The following TSHZ2 variants were observed in gnomAD, a reference collection of about 807,000 sequenced individuals.
The protein encoded by TSHZ2 is teashirt zinc finger homeobox 2.
In TSHZ2, 21 loss-of-function variants were observed where a neutral mutation model predicts 74.4. The observed-to-expected ratio is 0.28, with a 90% confidence interval of 0.20 to 0.41. The LOEUF is 0.41. Among genes scored for constraint, TSHZ2 ranks in the 10% least tolerant of loss-of-function variants. The pLI is 1.00. For missense variants in TSHZ2, 1,244 were observed against 1,293.5 expected (o/e 0.96, Z 0.59); for synonymous variants, 540 against 515.3 (o/e 1.05, Z -0.65).
At chr20:53,296,498 G>A (rs576659036) in intron 2 of TSHZ2, among the ~76,000 whole-genome samples, 10 of 152,230 alleles carry the variant, frequency 6.6e-5, no homozygotes, top group East Asian at 3.9e-4. Flanking sequence ...AAGTGCTGTC[G>A]AAAACAGCTG....
intron 1 of TSHZ2, among the ~76,000 whole-genome samples, chr20:53,169,569 C>T (rs934125962): frequency 5.3e-5 from 8 of 152,150 alleles, no homozygotes; most frequent in African/African-American, 1.9e-4. Context: ...TAGCATGGTT[C>T]CTGGCATATA....
At chr20:53,185,784 CTAAT>C in intron 1 of TSHZ2, 2 of 1,342,688 alleles carry the variant, frequency 1.5e-6, no homozygotes, top group Middle Eastern at 1.8e-4. Context: ...GGTTTGAACA[CTAAT>C]TAATAATCCC....
At chr20:52,998,714 A>G (rs1484994775) in intron 1 of TSHZ2, among the ~76,000 whole-genome samples, 1 of 152,192 alleles carries the variant, frequency 6.6e-6, no homozygotes, top group Non-Finnish European at 1.5e-5. Flanking sequence ...GGCAGGAACC[A>G]TGTCCAGTTT....
chr20:53,189,262 A>C (rs978632504), intron 1 of TSHZ2, among the ~76,000 whole-genome samples: 1 of 152,216 alleles, frequency 6.6e-6, no homozygotes, highest in Admixed American at 6.5e-5. Context: ...AGAATATGCA[A>C]ATAGCTGCAA....
intron 1 of TSHZ2, among the ~76,000 whole-genome samples, chr20:53,005,922 AGAATC>A (rs1256822014): frequency 1.3e-5 from 2 of 152,024 alleles, no homozygotes; most frequent in Non-Finnish European, 2.9e-5. Context: ...TCCCAAGAGA[AGAATC>A]TTAGCTTTAA....
chr20:53,354,153 T>G (rs1326192566), intron 2 of TSHZ2, among the ~76,000 whole-genome samples: 1 of 152,222 alleles, frequency 6.6e-6, no homozygotes, highest in Non-Finnish European at 1.5e-5. Context: ...TCAGAAGCCA[T>G]GTTCAAGAAC....
rs368801363 is a variant in TSHZ2 at position 53,238,630 on chromosome 20, C to T, written c.41-14869C>T. Among the ~76,000 whole-genome samples, 422 of 152,204 alleles carry T rather than the reference C, an allele frequency of 2.8e-3. 7 individuals are homozygous for T. The highest frequency in any genetic ancestry group is 0.026 in the South Asian group (123 of 4,818). ...ATGATCAGATATTTAAACACACAGA[C>T]ATAAACACACACAATGCACACACAG... On this transcript the variant is annotated intron_variant, in intron 1 of 2. Coordinates refer to ENST00000371497, the MANE Select transcript of TSHZ2 (RefSeq NM_173485.6).
chr20:53,228,019 G>GTTT (rs3971383), intron 1 of TSHZ2, among the ~76,000 whole-genome samples: 3 of 101,428 alleles, frequency 3.0e-5, no homozygotes, highest in South Asian at 3.5e-4. Context: ...TTCAAATGGT[G>GTTT]TTTTTTTTTT....
At chr20:53,236,540 C>T (rs79530897) in intron 1 of TSHZ2, among the ~76,000 whole-genome samples, 5,655 of 152,294 alleles carry the variant, frequency 0.037, 240 homozygotes, top group East Asian at 0.2. Flanking sequence ...TGACATGCCA[C>T]AAGTAAGCTA....
At chr20:53,367,919 G>A (rs1455957111) in intron 2 of TSHZ2, among the ~76,000 whole-genome samples, 1 of 152,046 alleles carries the variant, frequency 6.6e-6, no homozygotes, top group East Asian at 1.9e-4. Context: ...GAAAACCAAG[G>A]ATAAATCTAT....
intron 1 of TSHZ2, among the ~76,000 whole-genome samples, chr20:53,148,026 T>TC (rs1465788331): frequency 6.6e-6 from 1 of 152,236 alleles, no homozygotes; most frequent in Non-Finnish European, 1.5e-5. Flanking sequence ...TGGGTCTATG[T>TC]CTTATAACAA....
chr20:53,153,421 A>C (rs899039809), intron 1 of TSHZ2, among the ~76,000 whole-genome samples: 2 of 152,168 alleles, frequency 1.3e-5, no homozygotes, highest in Admixed American at 1.3e-4. Context: ...GACCACATCA[A>C]ATTGTATATT....
At chr20:53,226,157 C>T (rs1989682718) in intron 1 of TSHZ2, among the ~76,000 whole-genome samples, 1 of 128,736 alleles carries the variant, frequency 7.8e-6, no homozygotes, top group Admixed American at 7.5e-5. Context: ...CACACACACA[C>T]ACATGCACAC....
At chr20:53,079,445 T>G (rs1273790219) in intron 1 of TSHZ2, among the ~76,000 whole-genome samples, 1 of 152,198 alleles carries the variant, frequency 6.6e-6, no homozygotes, top group Non-Finnish European at 1.5e-5. Flanking sequence ...GCAGAGCAAG[T>G]GCAAAACCCT....
intron 1 of TSHZ2, among the ~76,000 whole-genome samples, chr20:52,998,780 A>G (rs1600637926): frequency 4.6e-5 from 7 of 152,344 alleles, no homozygotes; most frequent in Admixed American, 3.3e-4. Flanking sequence ...TAGAAGCTCA[A>G]TAAATATTTG....
chr20:53,463,435 G>GAGGA (rs1985457483), intron 2 of TSHZ2, among the ~76,000 whole-genome samples: 1 of 114,254 alleles, frequency 8.8e-6, no homozygotes. Flanking sequence ...AGGAAGGAAG[G>GAGGA]AGGGAGGGAG....
intron 2 of TSHZ2, among the ~76,000 whole-genome samples, chr20:53,414,513 C>T (rs527899604): frequency 2.6e-5 from 4 of 151,892 alleles, no homozygotes; most frequent in Admixed American, 1.3e-4. Flanking sequence ...TCCAGCTACT[C>T]AAGAGGCTGA....
intron 2 of TSHZ2, among the ~76,000 whole-genome samples, chr20:53,325,759 C>T (rs769748874): frequency 2.0e-5 from 3 of 152,014 alleles, no homozygotes; most frequent in Non-Finnish European, 4.4e-5. Context: ...AAGGCCCTCC[C>T]GGCTACTTTA....
At chr20:53,372,627 A>G (rs561845911) in intron 2 of TSHZ2, among the ~76,000 whole-genome samples, 2 of 152,304 alleles carry the variant, frequency 1.3e-5, no homozygotes, top group Non-Finnish European at 2.9e-5. Flanking sequence ...TAACTTTCCT[A>G]TCTTTCCTTG....
Sources: allele counts gnomAD v4.1 joint callset (sites outside exome capture counted in the v4.1 genomes callset), GRCh38; gene constraint gnomAD v4.1.1; transcripts MANE v1.5; gene names NCBI Gene and HGNC (gene_info 2026-07-23, HGNC 2026-07-21).